Variants in KCNQ5 observed in about 807,000 individuals in gnomAD.
The protein encoded by KCNQ5 is potassium voltage-gated channel subfamily KQT member 5.
A neutral mutation model predicts 98.2 loss-of-function variants in KCNQ5; 30 were observed. That is an observed-to-expected ratio of 0.31 (90% confidence interval 0.23 to 0.41). The LOEUF (loss-of-function observed/expected upper bound fraction) is 0.41. Ranked by LOEUF, KCNQ5 falls within the 10% of genes least tolerant of loss-of-function variation. The pLI is 1.00. For missense variants in KCNQ5, 835 were observed against 1,182.5 expected (o/e 0.71, Z 4.31); for synonymous variants, 458 against 449.4 (o/e 1.02, Z -0.24).
intron 1 of KCNQ5, among the ~76,000 whole-genome samples, chr6:72,654,562 A>G (rs1766046971): frequency 6.6e-6 from 1 of 152,076 alleles, no homozygotes; most frequent in Admixed American, 6.6e-5. Context: ...GGAGAGGAGA[A>G]AAGAAAAGTC....
chr6:73,042,186 C>A, intron 3 of KCNQ5, 124 bp downstream of exon 3: 2 of 1,111,936 alleles, frequency 1.8e-6, no homozygotes, highest in Non-Finnish European at 2.7e-6. Flanking sequence ...ATGGACCGGG[C>A]ACTCTTGTGT....
At chr6:72,888,540 G>T (rs1778934962) in intron 1 of KCNQ5, among the ~76,000 whole-genome samples, 1 of 152,160 alleles carries the variant, frequency 6.6e-6, no homozygotes, top group Non-Finnish European at 1.5e-5. Flanking sequence ...AATTCTGGTG[G>T]TGCTGAGCAT....
chr6:73,193,349 C>T (rs1292347206), intron 13 of KCNQ5, among the ~76,000 whole-genome samples: 12 of 151,094 alleles, frequency 7.9e-5, no homozygotes, highest in Admixed American at 6.6e-4. Flanking sequence ...AAAACAAGGC[C>T]GGGTGTGGTG....
intron 9 of KCNQ5, chr6:73,125,274 G>A: frequency 3.0e-6 from 1 of 329,282 alleles, no homozygotes; most frequent in South Asian, 2.6e-5. Context: ...ATTAAACCTA[G>A]AGGGAATACG....
At position 72,987,085 on chromosome 6, in the gene KCNQ5, C is replaced by T. The variant is rs370718498; in HGVS notation, c.399-16823C>T. 19 of 677,936 alleles carry T rather than the reference C, an allele frequency of 2.8e-5. No individual in the cohort carries two copies. The East Asian group carries it at 3.7e-4, about 13-fold the overall frequency. The allele number at this position is 677,936 out of a possible 1,614,324, so 42.0% of individuals were successfully genotyped here. A position where few individuals can be genotyped will look rare whatever the true frequency, so the allele number is the denominator to read the frequency against. On this transcript the variant is annotated intron_variant, in intron 1 of 13. Transcript: ENST00000370398. ...AGCAGCCCTAGGAAAGGAAGTAAAA[C>T]GAAGCCAAAGTTGAGGCTCCGGAAT...
intron 1 of KCNQ5, among the ~76,000 whole-genome samples, chr6:72,673,016 T>C (rs933945676): frequency 1.3e-5 from 2 of 152,218 alleles, no homozygotes; most frequent in Non-Finnish European, 2.9e-5. Flanking sequence ...GAGTTCAGCA[T>C]GAGTTATTTA....
At chr6:72,742,005 C>T (rs1368941712) in intron 1 of KCNQ5, among the ~76,000 whole-genome samples, 1 of 152,198 alleles carries the variant, frequency 6.6e-6, no homozygotes, top group African/African-American at 2.4e-5. Flanking sequence ...AACAACCTAT[C>T]CGCTTCATGC....
intron 5 of KCNQ5, among the ~76,000 whole-genome samples, chr6:73,095,063 C>A (rs4579314): frequency 0.87 from 132,682 of 152,180 alleles, 58,540 homozygotes; most frequent in South Asian, 0.96. Flanking sequence ...ACTGATTATT[C>A]TTAGCTTTGG....
At chr6:72,672,834 G>A (rs772825608) in intron 1 of KCNQ5, among the ~76,000 whole-genome samples, 6 of 152,156 alleles carry the variant, frequency 3.9e-5, no homozygotes, top group Admixed American at 2.0e-4. Context: ...AAATCTAGAA[G>A]TATCAGAGTT....
chr6:72,690,861 A>G (rs1456216830), intron 1 of KCNQ5, among the ~76,000 whole-genome samples: 1 of 152,082 alleles, frequency 6.6e-6, no homozygotes, highest in Admixed American at 6.5e-5. Flanking sequence ...TACCATATAT[A>G]AATTATATAT....
rs890902108 is a variant in KCNQ5 at position 72,673,957 on chromosome 6, G to A, written c.398+51370G>A. Among the ~76,000 whole-genome samples, 47 of 152,266 alleles carry A rather than the reference G, an allele frequency of 3.1e-4. 1 individual carries two copies. The highest frequency in any genetic ancestry group is 1.0e-3 in the African/African-American group (43 of 41,550). On this transcript the variant is annotated intron_variant, in intron 1 of 13. Coordinates refer to ENST00000370398, the MANE Select transcript of KCNQ5 (RefSeq NM_019842.4). Reference sequence around the variant, plus strand: ...ACTTCAACTGTATGGAGAGGATAACGTGAATCAACTTTTTTATTTCTAGAA... The same window carrying A: ...ACTTCAACTGTATGGAGAGGATAACATGAATCAACTTTTTTATTTCTAGAA...
rs56840957 is a variant in KCNQ5 at position 73,063,988 on chromosome 6, T to C, written c.617-13334T>C. On this transcript the variant is annotated intron_variant, in intron 3 of 13. Transcript: ENST00000370398. ...ATTTCCAAAAATAGGAAATTGTGCA[T>C]TGAAAAATATTGAGAGCCAGGTGAA... is the stretch of plus-strand genomic sequence containing the variant. Among the ~76,000 whole-genome samples, 187 of 152,314 alleles carry C rather than the reference T, an allele frequency of 1.2e-3. 4 individuals carry two copies. The East Asian group carries it at 0.033, about 27-fold the overall frequency.
At chr6:72,876,369 T>C (rs1000971354) in intron 1 of KCNQ5, among the ~76,000 whole-genome samples, 1 of 152,102 alleles carries the variant, frequency 6.6e-6, no homozygotes, top group Non-Finnish European at 1.5e-5. Context: ...AACCACAAAT[T>C]GGATATATCT....
At chr6:73,066,291 G>A (rs1055451760) in intron 3 of KCNQ5, among the ~76,000 whole-genome samples, 2 of 151,794 alleles carry the variant, frequency 1.3e-5, no homozygotes, top group South Asian at 2.1e-4. Flanking sequence ...TAGAGCACCC[G>A]CCCCTCTGTG....
chr6:72,623,196 A>G lies in KCNQ5; in HGVS notation c.398+609A>G, dbSNP rs1227195339. ...GTGCATGTAGCCCTTCCTGCCACGG[A>G]GAAGGTGGCCAAGGTCTAGAGGAGG... On this transcript the variant is annotated intron_variant, in intron 1 of 13. Transcript: ENST00000370398. 2.0e-5 allele frequency among the ~76,000 whole-genome samples: 3 copies of G among 152,216 alleles called. No individual in the cohort carries two copies. The East Asian group carries it at 5.8e-4, about 29-fold the overall frequency.
At chr6:72,849,718 A>G (rs561753432) in intron 1 of KCNQ5, among the ~76,000 whole-genome samples, 16 of 152,322 alleles carry the variant, frequency 1.1e-4, no homozygotes, top group African/African-American at 1.7e-4. Flanking sequence ...CTCTATGTTT[A>G]TGGAGAGAGA....
At chr6:72,658,586 T>A (rs368839953) in intron 1 of KCNQ5, among the ~76,000 whole-genome samples, 375 of 109,012 alleles carry the variant, frequency 3.4e-3, no homozygotes, top group South Asian at 0.011. Flanking sequence ...ATATTTTTTT[T>A]TTTTTTTTTT....
At position 73,197,155 on chromosome 6, in the gene KCNQ5, T is replaced by A. The variant is rs1015235689; in HGVS notation, c.*1741T>A. On this transcript the variant is annotated 3_prime_UTR_variant, in exon 14 of 14. Coordinates refer to ENST00000370398, the MANE Select transcript of KCNQ5 (RefSeq NM_019842.4). Reference sequence around the variant, plus strand: ...AGCCCTCCCCAACAGGCTTTCTCCATCATTGACTCTCCCCTGCTTTTCTTC... The same window carrying A: ...AGCCCTCCCCAACAGGCTTTCTCCAACATTGACTCTCCCCTGCTTTTCTTC... The A allele has an allele frequency of 6.6e-6, 1 of 152,248 alleles. No individual in the cohort carries two copies. Among genetic ancestry groups the A allele is most frequent in the African/African-American group, 2.4e-5 (1 of 41,428 alleles). The allele number at this position is 152,248 out of a possible 1,614,324, so 9.4% of individuals were successfully genotyped here. A position where few individuals can be genotyped will look rare whatever the true frequency, so the allele number is the denominator to read the frequency against.
At chr6:73,175,755 G>C (rs780272521) in intron 11 of KCNQ5, among the ~76,000 whole-genome samples, 8 of 152,226 alleles carry the variant, frequency 5.3e-5, no homozygotes, top group Non-Finnish European at 1.0e-4. Context: ...TCCCTGCTTA[G>C]AGTTGTGAGG....
Sources: allele counts gnomAD v4.1 joint callset (sites outside exome capture counted in the v4.1 genomes callset), GRCh38; gene constraint gnomAD v4.1.1; transcripts MANE v1.5; gene names NCBI Gene and HGNC (gene_info 2026-07-23, HGNC 2026-07-21).